Variants in PCSK6 observed in about 807,000 individuals in gnomAD.
The protein encoded by PCSK6 is paired basic amino acid cleaving enzyme 4.
A neutral mutation model predicts 123.3 loss-of-function variants in PCSK6; 85 were observed. That is an observed-to-expected ratio of 0.69 (90% CI 0.58 to 0.83). The LOEUF (loss-of-function observed/expected upper bound fraction) is 0.83. Among genes scored for constraint, PCSK6 ranks in the 40% least tolerant of loss-of-function variants. PCSK6 has a pLI of 0.00. For synonymous variants in PCSK6, 508 were observed against 516.0 expected (o/e 0.98, Z 0.21); for missense variants, 1,191 against 1,282.3 (o/e 0.93, Z 1.09).
rs1233552718 is a variant in PCSK6, at chr15:101,382,157, C to T, written c.1467G>A (p.Glu489=). 3.1e-6 allele frequency: 5 copies of T among 1,612,992 alleles called. No homozygotes were observed. Among genetic ancestry groups the T allele is most frequent in the Non-Finnish European group, 4.2e-6 (5 of 1,179,654 alleles). Residue 489 remains glutamate (E), a synonymous_variant, in exon 11 of 22, where the codon GAG becomes GAA. Transcript: ENST00000611716. ...GLVDAEALVV[E]AKKWTAVPSQ... is the part of the protein sequence containing the mutation. ...ATGGCACTGCTGTCCACTTCTTTGC[C>T]TCCACAACGAGAGCTTCTGCGTCCA...
intron 2 of PCSK6, among the ~76,000 whole-genome samples, chr15:101,434,916 T>C (rs2056553264): frequency 6.6e-6 from 1 of 152,084 alleles, no homozygotes; most frequent in Non-Finnish European, 1.5e-5. Context: ...AGAAAGCCAT[T>C]TTCCAGGTTC....
At chr15:101,472,745 A>G (rs2141240473) in intron 1 of PCSK6, among the ~76,000 whole-genome samples, 1 of 152,370 alleles carries the variant, frequency 6.6e-6, no homozygotes, top group South Asian at 2.1e-4. Context: ...ATTGCTGGAA[A>G]GTAGAACCAA....
rs2056314758 is a variant in PCSK6 at position 101,427,933 on chromosome 15, G to A, written c.782C>T (p.Ser261Phe). 1 of 1,588,872 alleles carries A rather than the reference G, an allele frequency of 6.3e-7. No homozygotes were observed. The highest frequency in any genetic ancestry group is 1.2e-5 in the South Asian group (1 of 86,624). The change falls in exon 6 of 22, where the codon TCC (serine) becomes TTC (phenylalanine). Residue 261 changes from serine (S) to phenylalanine (F), a missense_variant. Coordinates refer to ENST00000611716, the MANE Select transcript of PCSK6 (RefSeq NM_002570.5). The part of the protein sequence containing the change: ...AGEVAASANN[S>F]YCIVGIAYNA... ...GTACGCTATGCCCACGATGCAGTAGGAATTGTTTGCTGAAGCAGCAACTTC... is the reference window on the plus strand; with the variant it reads ...GTACGCTATGCCCACGATGCAGTAGAAATTGTTTGCTGAAGCAGCAACTTC...
At chr15:101,327,856 A>T (rs1423491429) in intron 15 of PCSK6, among the ~76,000 whole-genome samples, 1 of 151,826 alleles carries the variant, frequency 6.6e-6, no homozygotes, top group Non-Finnish European at 1.5e-5. Context: ...CCCACTGTGA[A>T]CCCCTTTCAG....
chr15:101,431,254 C>T, intron 4 of PCSK6, 66 bp downstream of exon 4: 1 of 1,559,742 alleles, frequency 6.4e-7, no homozygotes, highest in East Asian at 2.3e-5. Context: ...TGTTTTTAAA[C>T]TTGCATTTAC....
intron 2 of PCSK6, among the ~76,000 whole-genome samples, chr15:101,441,802 A>G (rs1294162627): frequency 6.6e-6 from 1 of 152,226 alleles, no homozygotes; most frequent in African/African-American, 2.4e-5. Flanking sequence ...GCAATTCAAC[A>G]ACTCAAAAGA....
chr15:101,323,945 G>C (rs1428290714), intron 17 of PCSK6, among the ~76,000 whole-genome samples: 2 of 152,150 alleles, frequency 1.3e-5, no homozygotes, highest in Admixed American at 1.3e-4. Context: ...ATGTGTTTGA[G>C]AACTATCCCC....
intron 6 of PCSK6, among the ~76,000 whole-genome samples, chr15:101,403,750 C>T (rs966864626): frequency 3.3e-5 from 5 of 151,974 alleles, no homozygotes; most frequent in South Asian, 2.1e-4. Flanking sequence ...GATGGCGTCT[C>T]GCTCTGTTGC....
intron 1 of PCSK6, among the ~76,000 whole-genome samples, chr15:101,488,211 T>TA (rs1385188239): frequency 6.6e-6 from 1 of 152,214 alleles, no homozygotes; most frequent in African/African-American, 2.4e-5. Flanking sequence ...CACTAAGGTT[T>TA]AGAGTTATGA....
intron 2 of PCSK6, among the ~76,000 whole-genome samples, chr15:101,438,866 G>A (rs2056677432): frequency 6.6e-6 from 1 of 152,252 alleles, no homozygotes. Flanking sequence ...CTTCCTGGTG[G>A]CAGGGATATT....
chr15:101,469,662 G>C (rs1182985124), intron 1 of PCSK6, among the ~76,000 whole-genome samples: 1 of 152,188 alleles, frequency 6.6e-6, no homozygotes, highest in South Asian at 2.1e-4. Flanking sequence ...GGCTAGAGCC[G>C]GGTGCCTCGC....
intron 11 of PCSK6, among the ~76,000 whole-genome samples, chr15:101,373,804 G>C (rs1398857497): frequency 6.6e-6 from 1 of 152,176 alleles, no homozygotes; most frequent in Non-Finnish European, 1.5e-5. Context: ...AATGCAAGTC[G>C]ACTGCCAAGT....
At chr15:101,364,231 C>G (rs114194694) in intron 13 of PCSK6, among the ~76,000 whole-genome samples, 1 of 152,092 alleles carries the variant, frequency 6.6e-6, no homozygotes, top group African/African-American at 2.4e-5. Context: ...GCACAGGGAA[C>G]GACGGAACAG....
rs1198260873 is a variant in PCSK6 at position 101,393,515 on chromosome 15, T to C, written c.997-91A>G. 19 of 949,690 alleles carry C rather than the reference T, an allele frequency of 2.0e-5. No homozygotes were observed. The Admixed American group carries it at 3.7e-4, about 18-fold the overall frequency. The allele number at this position is 949,690 out of a possible 1,614,324, so 58.8% of individuals were successfully genotyped here. A position where few individuals can be genotyped will look rare whatever the true frequency, so the allele number is the denominator to read the frequency against. ...AACCTAGAGTCCCATCTCCCAAATGTTCCTTCAAAGGGATAAGAAGGTTGC... is the reference window on the plus strand; with the variant it reads ...AACCTAGAGTCCCATCTCCCAAATGCTCCTTCAAAGGGATAAGAAGGTTGC... On this transcript the variant is annotated intron_variant, in intron 7 of 21. Coordinates refer to ENST00000611716, the MANE Select transcript of PCSK6 (RefSeq NM_002570.5).
intron 1 of PCSK6, among the ~76,000 whole-genome samples, chr15:101,485,031 C>T (rs28549187): frequency 0.077 from 11,649 of 152,190 alleles, 1,160 homozygotes; most frequent in African/African-American, 0.23. Context: ...GCTCTCCAAA[C>T]GATACCAATC....
chr15:101,430,141 G>T, intron 4 of PCSK6, 78 bp from the exon 5 acceptor site: 1 of 1,140,322 alleles, frequency 8.8e-7, no homozygotes, highest in East Asian at 2.4e-5. Flanking sequence ...TGTTCCGTTG[G>T]CAAATAGAGA....
intron 7 of PCSK6, among the ~76,000 whole-genome samples, chr15:101,397,940 G>A (rs750806285): frequency 6.6e-6 from 1 of 152,218 alleles, no homozygotes; most frequent in Non-Finnish European, 1.5e-5. Context: ...GGGACACCCC[G>A]ACCACTGCTT....
At chr15:101,313,071 T>C in intron 20 of PCSK6, 1 of 1,306,996 alleles carries the variant, frequency 7.7e-7, no homozygotes. Flanking sequence ...GGATGCATGC[T>C]GAGCGCGACA....
intron 1 of PCSK6, among the ~76,000 whole-genome samples, chr15:101,485,836 T>C (rs1021501394): frequency 1.3e-5 from 2 of 152,232 alleles, no homozygotes; most frequent in African/African-American, 4.8e-5. Flanking sequence ...TGATTTCATA[T>C]TCCACATTAA....
Sources: allele counts gnomAD v4.1 joint callset (sites outside exome capture counted in the v4.1 genomes callset), GRCh38; gene constraint gnomAD v4.1.1; transcripts MANE v1.5; gene names NCBI Gene and HGNC (gene_info 2026-07-23, HGNC 2026-07-21).